MYO3B: variants seen among roughly 807,000 people sequenced by gnomAD.
MYO3B encodes myosin-IIIb.
A neutral mutation model predicts 174.6 loss-of-function variants in MYO3B; 156 were observed. That is an observed-to-expected ratio of 0.89 (90% confidence interval 0.78 to 1.02). The LOEUF (loss-of-function observed/expected upper bound fraction) is 1.02. MYO3B is among the 50% of genes least tolerant of loss of function. The pLI is 0.00. For synonymous variants in MYO3B, 563 were observed against 569.1 expected (o/e 0.99, Z 0.15); for missense variants, 1,632 against 1,639.4 (o/e 1.00, Z 0.08).
chr2:170,403,732 A>G (rs1260125584), intron 19 of MYO3B, among the ~76,000 whole-genome samples: 2 of 152,244 alleles, frequency 1.3e-5, no homozygotes. Context: ...AAAGACATTT[A>G]GTGAAAATAC....
In MYO3B at chr2:170,628,773, G is replaced by A. The variant is rs73013518; in HGVS notation, c.3734-22855G>A. ...CTAGAAGTTCACTTTACCAACAATG[G>A]TCCATACAGCATCTTTTGTGAAGCT... On this transcript the variant is annotated intron_variant, in intron 32 of 34. Coordinates refer to ENST00000408978, the MANE Select transcript of MYO3B (RefSeq NM_138995.5). Among the ~76,000 whole-genome samples, 29 of 152,270 alleles carry A rather than the reference G, an allele frequency of 1.9e-4. 1 individual carries two copies. The highest frequency in any genetic ancestry group is 6.5e-4 in the African/African-American group (27 of 41,566).
chr2:170,222,212 G>A (rs937240441), intron 6 of MYO3B, among the ~76,000 whole-genome samples: 1 of 152,176 alleles, frequency 6.6e-6, no homozygotes, highest in African/African-American at 2.4e-5. Context: ...GAATATCTGA[G>A]GGGCAGTAGT....
At chr2:170,272,163 G>A (rs139223658) in intron 7 of MYO3B, among the ~76,000 whole-genome samples, 85 of 151,026 alleles carry the variant, frequency 5.6e-4, no homozygotes, top group African/African-American at 1.5e-3. Flanking sequence ...CGATAGCATC[G>A]GCATCACTTG....
intron 8 of MYO3B, among the ~76,000 whole-genome samples, chr2:170,356,938 C>G (rs1386589638): frequency 6.6e-6 from 1 of 151,850 alleles, no homozygotes; most frequent in Non-Finnish European, 1.5e-5. Flanking sequence ...CCACCACGGC[C>G]CCCTGATTTA....
chr2:170,242,711 C>T (rs538703137), intron 7 of MYO3B, among the ~76,000 whole-genome samples: 123 of 152,244 alleles, frequency 8.1e-4, no homozygotes, highest in African/African-American at 2.8e-3. Flanking sequence ...GCCAAAGGTG[C>T]GAGGGGTTGA....
chr2:170,499,942 CCT>C, intron 27 of MYO3B, 134 bp downstream of exon 27: 2 of 673,334 alleles, frequency 3.0e-6, no homozygotes, highest in Non-Finnish European at 4.7e-6. Context: ...TCCCTTCCTT[CCT>C]TCCTTCTTTC....
intron 8 of MYO3B, among the ~76,000 whole-genome samples, chr2:170,337,581 C>T (rs1242080118): frequency 6.6e-6 from 1 of 152,164 alleles, no homozygotes. Flanking sequence ...GGACTGTACA[C>T]AACGCAGTTG....
intron 32 of MYO3B, among the ~76,000 whole-genome samples, chr2:170,632,812 A>C (rs1168598200): frequency 6.6e-6 from 1 of 152,194 alleles, no homozygotes; most frequent in East Asian, 1.9e-4. Flanking sequence ...ATCACCACTG[A>C]TCCCACAGAA....
chr2:170,496,845 C>T (rs1162649050), intron 25 of MYO3B, among the ~76,000 whole-genome samples: 2 of 151,888 alleles, frequency 1.3e-5, no homozygotes, highest in Non-Finnish European at 2.9e-5. Flanking sequence ...CCAGGCTGGT[C>T]TCGAACTCTT....
chr2:170,475,033 A>C (rs1685234737), intron 25 of MYO3B, among the ~76,000 whole-genome samples: 1 of 152,170 alleles, frequency 6.6e-6, no homozygotes, highest in South Asian at 2.1e-4. Flanking sequence ...TTCACATAGC[A>C]TACAGTGGGT....
At chr2:170,637,079 A>G (rs913265997) in intron 32 of MYO3B, among the ~76,000 whole-genome samples, 4 of 149,970 alleles carry the variant, frequency 2.7e-5, no homozygotes, top group Non-Finnish European at 5.9e-5. Context: ...AACTGTAACC[A>G]TTTACTTTTT....
chr2:170,341,512 A>G (rs779661522), intron 8 of MYO3B: 1 of 152,234 alleles, frequency 6.6e-6, no homozygotes, highest in Non-Finnish European at 1.5e-5. Context: ...TGGTATCTCT[A>G]GTGACAGACT....
At chr2:170,357,263 C>T (rs962666422) in intron 8 of MYO3B, among the ~76,000 whole-genome samples, 4 of 150,412 alleles carry the variant, frequency 2.7e-5, no homozygotes, top group Admixed American at 6.6e-5. Flanking sequence ...GCCAAGATCA[C>T]GCCTTGCACT....
chr2:170,397,127 A>C (rs2094446148), intron 16 of MYO3B, among the ~76,000 whole-genome samples: 1 of 152,210 alleles, frequency 6.6e-6, no homozygotes, highest in Non-Finnish European at 1.5e-5. Context: ...GGGTGATTAA[A>C]CAATGATTCT....
chr2:170,424,111 C>G (rs916178117), intron 22 of MYO3B, among the ~76,000 whole-genome samples: 1 of 152,166 alleles, frequency 6.6e-6, no homozygotes, highest in African/African-American at 2.4e-5. Context: ...AGAGATGGCT[C>G]CCGTGTACCA....
At chr2:170,486,837 A>C (rs938514583) in intron 25 of MYO3B, among the ~76,000 whole-genome samples, 3 of 152,082 alleles carry the variant, frequency 2.0e-5, no homozygotes, top group Non-Finnish European at 4.4e-5. Context: ...CATAACCCTG[A>C]CCATAGGAAA....
chr2:170,637,329 G>A (rs1057169423), intron 32 of MYO3B, among the ~76,000 whole-genome samples: 1 of 151,852 alleles, frequency 6.6e-6, no homozygotes, highest in Non-Finnish European at 1.5e-5. Flanking sequence ...ACGCCACCAG[G>A]CCCGGCTAAT....
At chr2:170,649,701 C>T (rs547109936) in intron 32 of MYO3B, among the ~76,000 whole-genome samples, 1 of 150,328 alleles carries the variant, frequency 6.7e-6, no homozygotes, top group Admixed American at 6.7e-5. Context: ...GTGGTGCACA[C>T]CTGTAATCCC....
intron 22 of MYO3B, among the ~76,000 whole-genome samples, chr2:170,417,608 T>C (rs928109213): frequency 2.0e-5 from 3 of 152,194 alleles, no homozygotes; most frequent in Non-Finnish European, 4.4e-5. Context: ...TTCTGGAGGC[T>C]CTGAGGGAGC....
Sources: gnomAD v4.1 joint callset for allele counts (sites outside exome capture counted in the v4.1 genomes callset) on GRCh38, gnomAD v4.1.1 for gene constraint, MANE v1.5 for transcripts, NCBI Gene and HGNC (gene_info 2026-07-23, HGNC 2026-07-21) for gene names.